Variants in CDH10 observed in about 807,000 individuals in gnomAD.
CDH10 encodes cadherin-10.
A neutral mutation model predicts 73.1 loss-of-function variants in CDH10; 30 were observed. That is an observed-to-expected ratio of 0.41 (90% CI 0.31 to 0.56). The LOEUF is 0.56. Among genes scored for constraint, CDH10 ranks in the 20% least tolerant of loss-of-function variants. The probability of loss-of-function intolerance (pLI) is 0.27; values close to 1 mark genes in which losing one functional copy is unlikely to be tolerated. For synonymous variants in CDH10, 345 were observed against 348.2 expected, an observed-to-expected ratio of 0.99 and a Z score of 0.10; for missense variants, 815 against 973.7, an observed-to-expected ratio of 0.84 and a Z score of 2.17.
rs192685781 is a variant in CDH10 at position 24,584,230 on chromosome 5, G to T, written c.231+9030C>A. Among the ~76,000 whole-genome samples the T allele has an allele frequency of 2.3e-3, 357 of 152,070 alleles. 1 individual carries two copies. Among genetic ancestry groups the T allele is most frequent in the Middle Eastern group, 0.01 (3 of 294 alleles). Reference sequence around the variant, plus strand: ...CTCATTTAACTGTACCCCCAAAATTGTATGTGATAGTAATTATACCAATAT... The same window carrying T: ...CTCATTTAACTGTACCCCCAAAATTTTATGTGATAGTAATTATACCAATAT... On this transcript the variant is annotated intron_variant, in intron 2 of 11. Transcript: ENST00000264463.
chr5:24,538,255 T>C (rs1274976758), intron 2 of CDH10, among the ~76,000 whole-genome samples: 1 of 152,108 alleles, frequency 6.6e-6, no homozygotes, highest in African/African-American at 2.4e-5. Flanking sequence ...TCAGAGCAGA[T>C]AGATATCTAC....
chr5:24,567,691 T>A (rs1745214232), intron 2 of CDH10, among the ~76,000 whole-genome samples: 1 of 151,896 alleles, frequency 6.6e-6, no homozygotes, highest in African/African-American at 2.4e-5. Context: ...GTAATGAAAA[T>A]GATTTGTATT....
At position 24,488,168 on chromosome 5, in the gene CDH10, A is replaced by G. The variant is rs927839759; in HGVS notation, c.1877-15T>C. ...TACTACTATAACTTGAAAAAAGACA[A>G]GAAGATACATTAGACGTCCGTTCAA... On this transcript the variant is annotated splice_polypyrimidine_tract_variant and intron_variant, in intron 11 of 11. Coordinates refer to ENST00000264463, the MANE Select transcript of CDH10 (RefSeq NM_006727.5). 4 of 1,585,316 alleles carry G rather than the reference A, an allele frequency of 2.5e-6. No individual in the cohort carries two copies. The highest frequency in any genetic ancestry group is 2.7e-5 in the African/African-American group (2 of 73,106).
chr5:24,590,861 G>C (rs1746176959), intron 2 of CDH10, among the ~76,000 whole-genome samples: 1 of 151,956 alleles, frequency 6.6e-6, no homozygotes, highest in Admixed American at 6.6e-5. Context: ...TATGTCTAGT[G>C]ATTGGAACAC....
chr5:24,518,026 G>C (rs1258002422), intron 5 of CDH10, among the ~76,000 whole-genome samples: 1 of 152,154 alleles, frequency 6.6e-6, no homozygotes, highest in Non-Finnish European at 1.5e-5. Context: ...AGCTTTAACT[G>C]CTAGGGGAGA....
At chr5:24,561,457 C>T (rs1744957392) in intron 2 of CDH10, among the ~76,000 whole-genome samples, 1 of 152,054 alleles carries the variant, frequency 6.6e-6, no homozygotes, top group Non-Finnish European at 1.5e-5. Context: ...AGTAAATTTA[C>T]TCTGAACTTA....
intron 2 of CDH10, chr5:24,553,907 C>A (rs1744645012): frequency 7.0e-6 from 1 of 143,316 alleles, no homozygotes; most frequent in Non-Finnish European, 1.5e-5. Flanking sequence ...ACTTGTACTA[C>A]CACTCCCTGA....
chr5:24,548,800 T>C (rs1008918524), intron 2 of CDH10, among the ~76,000 whole-genome samples: 4 of 152,074 alleles, frequency 2.6e-5, no homozygotes, highest in African/African-American at 9.7e-5. Context: ...TATTGTTTGG[T>C]TAAAAATAAA....
At chr5:24,581,457 C>T (rs2112055915) in intron 2 of CDH10, among the ~76,000 whole-genome samples, 1 of 152,266 alleles carries the variant, frequency 6.6e-6, no homozygotes, top group East Asian at 1.9e-4. Flanking sequence ...TCTGATTGCA[C>T]TTACATTTGT....
intron 2 of CDH10, among the ~76,000 whole-genome samples, chr5:24,558,568 A>G (rs1226619344): frequency 6.6e-6 from 1 of 151,698 alleles, no homozygotes; most frequent in Non-Finnish European, 1.5e-5. Context: ...AGAATACTGC[A>G]TTCAACTTCC....
Position 24,616,893 on chromosome 5 carries a change from T to TA in CDH10, c.-123-23281dup, listed in dbSNP as rs1218681644. 4.6e-5 allele frequency among the ~76,000 whole-genome samples: 7 copies of TA among 152,158 alleles called. No individual in the cohort carries two copies. The East Asian group carries it at 5.8e-4, about 13-fold the overall frequency. On this transcript the variant is annotated intron_variant, in intron 1 of 11. Transcript: ENST00000264463. The stretch of plus-strand genomic sequence containing the variant: ...AGTTATCTTATCAATATATCTTTTT[T>TA]AAAAAAATTCAAGGACATTTAAGCG...
At chr5:24,601,940 TCA>T (rs1448495169) in intron 1 of CDH10, among the ~76,000 whole-genome samples, 3 of 152,178 alleles carry the variant, frequency 2.0e-5, no homozygotes, top group African/African-American at 7.2e-5. Flanking sequence ...TCCAACTAAA[TCA>T]CAGTTTGCAG....
At chr5:24,607,563 T>C (rs907466597) in intron 1 of CDH10, among the ~76,000 whole-genome samples, 1 of 152,208 alleles carries the variant, frequency 6.6e-6, no homozygotes, top group Non-Finnish European at 1.5e-5. Flanking sequence ...CAACAATCCC[T>C]GGCAAATCCC....
intron 1 of CDH10, among the ~76,000 whole-genome samples, chr5:24,605,797 C>T (rs1339373573): frequency 6.6e-6 from 1 of 152,102 alleles, no homozygotes; most frequent in Admixed American, 6.6e-5. Flanking sequence ...AATCATCAAT[C>T]GGGAACAACC....
At chr5:24,589,016 C>A (rs1195365972) in intron 2 of CDH10, among the ~76,000 whole-genome samples, 1 of 152,086 alleles carries the variant, frequency 6.6e-6, no homozygotes, top group African/African-American at 2.4e-5. Context: ...GTTTTGGAGT[C>A]TGTGCTATAT....
At chr5:24,623,878 G>A (rs1305090244) in intron 1 of CDH10, among the ~76,000 whole-genome samples, 1 of 152,078 alleles carries the variant, frequency 6.6e-6, no homozygotes, top group African/African-American at 2.4e-5. Flanking sequence ...AATGAAAAAT[G>A]TATCACTCAA....
chr5:24,498,135 T>C (rs1742359732), intron 9 of CDH10, among the ~76,000 whole-genome samples: 1 of 152,206 alleles, frequency 6.6e-6, no homozygotes, highest in Non-Finnish European at 1.5e-5. Flanking sequence ...TGAAAGTAGT[T>C]ATTTTTTCTT....
At chr5:24,612,194 T>C (rs777657483) in intron 1 of CDH10, 2 of 152,202 alleles carry the variant, frequency 1.3e-5, no homozygotes, top group Non-Finnish European at 2.9e-5. Context: ...ATCTTTTTCT[T>C]TTAATAAGAA....
intron 11 of CDH10, 48 bp downstream of exon 11, chr5:24,491,528 A>G (rs772500731): frequency 3.9e-6 from 6 of 1,537,936 alleles, no homozygotes; most frequent in South Asian, 1.2e-5. Context: ...CTTCAAAATC[A>G]TACTAAAGAG....
Sources: gnomAD v4.1 joint callset for allele counts (sites outside exome capture counted in the v4.1 genomes callset) on GRCh38, gnomAD v4.1.1 for gene constraint, MANE v1.5 for transcripts, NCBI Gene and HGNC (gene_info 2026-07-23, HGNC 2026-07-21) for gene names.